The following CACNA1H variants were observed in gnomAD, a reference collection of about 807,000 sequenced individuals.
The protein encoded by CACNA1H is voltage-dependent T-type calcium channel subunit alpha-1H.
CACNA1H carries 149 observed loss-of-function variants against 192.5 expected under a neutral mutation model. The observed-to-expected ratio is 0.77, with a 90% confidence interval of 0.68 to 0.89. The LOEUF is 0.89. CACNA1H is among the 40% of genes least tolerant of loss of function. The probability of loss-of-function intolerance (pLI) is 0.00; values close to 1 mark genes in which losing one functional copy is unlikely to be tolerated. For synonymous variants in CACNA1H, 2,202 were observed against 1,475.2 expected (o/e 1.49, Z -11.29); for missense variants, 4,257 against 3,423.5 (o/e 1.24, Z -6.08).
At chr16:1,176,690 C>T (rs1449030024) in intron 2 of CACNA1H, among the ~76,000 whole-genome samples, 3 of 152,186 alleles carry the variant, frequency 2.0e-5, no homozygotes, top group Non-Finnish European at 2.9e-5. Flanking sequence ...GTCCGGGGGC[C>T]GGCTGGGCAC....
In CACNA1H at chr16:1,201,845, C is replaced by G. The variant is rs758578051; in HGVS notation, c.1395C>G (p.Gly465=). The change falls in exon 9 of 35, where the codon GGC becomes GGG. Residue 465 remains glycine (G), a synonymous_variant. Transcript: ENST00000348261. ...ACGAAGAGCTGCTGAAGTACGTGGG[C>G]CACATATTCCGCAAGGTCAAGCGGC... ...SCYEELLKYV[G]HIFRKVKRRS... The G allele has an allele frequency of 1.1e-5, 17 of 1,568,262 alleles. No homozygotes were observed. The highest frequency in any genetic ancestry group is 1.5e-5 in the Non-Finnish European group (17 of 1,157,566).
At chr16:1,210,682 C>T in intron 20 of CACNA1H, 31 bp downstream of exon 20, 1 of 1,593,892 alleles carries the variant, frequency 6.3e-7, no homozygotes, top group Non-Finnish European at 8.5e-7. Context: ...TGCCCTTGTT[C>T]CCAGGTCCCC....
At chr16:1,174,314 TTGG>T (rs1964653928) in intron 2 of CACNA1H, among the ~76,000 whole-genome samples, 1 of 152,164 alleles carries the variant, frequency 6.6e-6, no homozygotes, top group African/African-American at 2.4e-5. Flanking sequence ...GAGCGCACCC[TTGG>T]TGGGAGCTAG....
rs556232690 is a variant in CACNA1H, at chr16:1,180,183, C to T, written c.300-14789C>T. 5.3e-4 allele frequency among the ~76,000 whole-genome samples: 81 copies of T among 152,350 alleles called. No individual in the cohort carries two copies. The highest frequency in any genetic ancestry group is 1.8e-3 in the African/African-American group (75 of 41,574). ...CCCTGTCCCTGCACACCGGGTCAGC[C>T]GGCTCCTGGGTGCACAGGCAGGTGG... On this transcript the variant is annotated intron_variant, in intron 2 of 34. Coordinates refer to ENST00000348261, the MANE Select transcript of CACNA1H (RefSeq NM_021098.3). This position sits in a 1 kb window ranked among gnomAD's most constrained non-coding sequence, Gnocchi z 4.4.
In CACNA1H at chr16:1,180,725, G is replaced by T. The variant is rs1965381407; in HGVS notation, c.300-14247G>T. Among the ~76,000 whole-genome samples the T allele has an allele frequency of 6.6e-6, 1 of 152,140 alleles. No homozygotes were observed. Among genetic ancestry groups the T allele is most frequent in the Non-Finnish European group, 1.5e-5 (1 of 67,992 alleles). On this transcript the variant is annotated intron_variant, in intron 2 of 34. Coordinates refer to ENST00000348261, the MANE Select transcript of CACNA1H (RefSeq NM_021098.3). This position sits in a 1 kb window ranked among gnomAD's most constrained non-coding sequence, Gnocchi z 4.4. ...GCAGACTGGGGAGAGTGCAGGGTGT[G>T]CAGCGGGGGCTGGGATGCCGCCGAA...
intron 2 of CACNA1H, among the ~76,000 whole-genome samples, chr16:1,187,835 C>T (rs1252957590): frequency 6.6e-6 from 1 of 152,190 alleles, no homozygotes; most frequent in Non-Finnish European, 1.5e-5. Context: ...GATGCCTTAA[C>T]TATCTCTTGA....
chr16:1,172,934 C>T (rs1291239285), intron 2 of CACNA1H, among the ~76,000 whole-genome samples: 2 of 146,382 alleles, frequency 1.4e-5, no homozygotes, highest in African/African-American at 2.5e-5. Context: ...TGTTGGTCCT[C>T]GGCAGCTGGC....
chr16:1,216,258 C>T (rs1000312107), intron 30 of CACNA1H, among the ~76,000 whole-genome samples: 2 of 152,240 alleles, frequency 1.3e-5, no homozygotes, highest in Non-Finnish European at 2.9e-5. Context: ...CTCAGCTGTC[C>T]CCACTCACCC....
intron 2 of CACNA1H, among the ~76,000 whole-genome samples, chr16:1,159,071 T>C (rs1962839981): frequency 6.6e-6 from 1 of 151,866 alleles, no homozygotes; most frequent in Non-Finnish European, 1.5e-5. Context: ...GTGGAGGGAG[T>C]CCCTGAGCAC....
Position 1,206,171 on chromosome 16 carries a change from G to T in CACNA1H, c.2671G>T (p.Val891Leu). ...GCTGCGCACCTTCCGGCTGCTGCGT[G>T]TGCTGAAGCTGGTGCGCTTTCTGCC... is the stretch of plus-strand genomic sequence containing the variant. The part of the protein sequence containing the change: ...SVLRTFRLLR[V>L]LKLVRFLPAL... Residue 891 changes from valine to leucine, a missense_variant, in exon 12 of 35, where the codon GTG (valine) becomes TTG (leucine). By Grantham distance (32) the Val-to-Leu change is conservative. Transcript: ENST00000348261. The T allele has an allele frequency of 6.3e-7, 1 of 1,587,154 alleles. No homozygotes were observed. Among genetic ancestry groups the T allele is most frequent in the Non-Finnish European group, 8.6e-7 (1 of 1,168,160 alleles).
At chr16:1,183,684 C>A (rs554986839) in intron 2 of CACNA1H, among the ~76,000 whole-genome samples, 1 of 152,386 alleles carries the variant, frequency 6.6e-6, no homozygotes, top group South Asian at 2.1e-4. Flanking sequence ...CCGTCCCGTC[C>A]TGCAGGTTTG....
chr16:1,209,553 G>A, intron 17 of CACNA1H, 141 bp downstream of exon 17: 2 of 1,031,098 alleles, frequency 1.9e-6, no homozygotes, highest in South Asian at 1.6e-5. Flanking sequence ...GCCAGGCCAG[G>A]GAGGAATCCA....
At chr16:1,166,543 G>A (rs1422390843) in intron 2 of CACNA1H, among the ~76,000 whole-genome samples, 12 of 152,268 alleles carry the variant, frequency 7.9e-5, no homozygotes, top group South Asian at 4.2e-4. Flanking sequence ...GTATCCTCGC[G>A]GTGGTGCAGC....
chr16:1,206,632 G>A (rs1197921621), intron 12 of CACNA1H: 7 of 425,688 alleles, frequency 1.6e-5, no homozygotes, highest in Non-Finnish European at 3.0e-5. Flanking sequence ...CTAGCCTGGA[G>A]CTCAGGGTCA....
chr16:1,210,342 C>CCCCCCCA, intron 18 of CACNA1H, 28 bp from the exon 19 acceptor site: 4 of 999,074 alleles, frequency 4.0e-6, no homozygotes, highest in Non-Finnish European at 6.0e-6. Flanking sequence ...CGCCCCGCCC[C>CCCCCCCA]ACCTCTCACC....
At position 1,201,032 on chromosome 16, in the gene CACNA1H, G is replaced by A. The variant is rs115713260; in HGVS notation, c.1212+224G>A. Among the ~76,000 whole-genome samples the A allele has an allele frequency of 6.2e-3, 950 of 152,220 alleles. 8 individuals are homozygous for A. Among genetic ancestry groups the A allele is most frequent in the African/African-American group, 0.016 (680 of 41,530 alleles). ...TCCAGGCCTGTGGGTGCTGGCTCAGGGCTGAAGAGCCAGGAACACCCTGGG... is the reference window on the plus strand; with the variant it reads ...TCCAGGCCTGTGGGTGCTGGCTCAGAGCTGAAGAGCCAGGAACACCCTGGG... On this transcript the variant is annotated intron_variant, in intron 8 of 34. Transcript: ENST00000348261.
intron 30 of CACNA1H, among the ~76,000 whole-genome samples, chr16:1,215,962 C>T (rs1026887492): frequency 6.6e-6 from 1 of 152,150 alleles, no homozygotes; most frequent in Non-Finnish European, 1.5e-5. Flanking sequence ...GCCCGGGGCC[C>T]CCTCGGAGCC....
Position 1,167,128 on chromosome 16 carries a change from A to G in CACNA1H, c.299+13092A>G, listed in dbSNP as rs1027110016. 2.6e-5 allele frequency among the ~76,000 whole-genome samples: 4 copies of G among 152,124 alleles called. No homozygotes were observed. The highest frequency in any genetic ancestry group is 7.2e-5 in the African/African-American group (3 of 41,430). On this transcript the variant is annotated intron_variant, in intron 2 of 34. Transcript: ENST00000348261. The surrounding 1 kb of genome is among the most constrained non-coding windows in gnomAD (Gnocchi z 4.2). ...GGAGTCCAGGGCTGTGGGAGTGGAC[A>G]CGGCCCTTCCTTTCCTCGCCGACCC...
Position 1,206,960 on chromosome 16 carries a change from C to G in CACNA1H, c.2790-41C>G, listed in dbSNP as rs74248364. 170 of 1,028,696 alleles carry G rather than the reference C, an allele frequency of 1.7e-4. No individual in the cohort carries two copies. In the East Asian group the frequency reaches 4.2e-3, roughly 25 times the overall value. The allele number at this position is 1,028,696 out of a possible 1,614,324, so 63.7% of individuals were successfully genotyped here. A position where few individuals can be genotyped will look rare whatever the true frequency, so the allele number is the denominator to read the frequency against. ...CCCCACCTTCTTCCGCTCAGCACAC[C>G]CCTGCCTCCACCCTCAACACGCCCC... On this transcript the variant is annotated intron_variant, in intron 12 of 34. Coordinates refer to ENST00000348261, the MANE Select transcript of CACNA1H (RefSeq NM_021098.3).
Sources: gnomAD v4.1 joint callset for allele counts (sites outside exome capture counted in the v4.1 genomes callset) on GRCh38, gnomAD v4.1.1 for gene constraint, Gnocchi (gnomAD v3.1) non-coding constraint, MANE v1.5 for transcripts, NCBI Gene and HGNC (gene_info 2026-07-23, HGNC 2026-07-21) for gene names.